ADGRF5: variants seen among roughly 807,000 people sequenced by gnomAD.
ADGRF5 encodes G-protein coupled receptor 116.
ADGRF5 carries 75 observed loss-of-function variants against 132.3 expected under a neutral mutation model. The observed-to-expected ratio is 0.57, with a 90% CI of 0.47 to 0.69. ADGRF5 has a LOEUF of 0.69. Ranked by LOEUF, ADGRF5 falls within the 30% of genes least tolerant of loss-of-function variation. The probability of loss-of-function intolerance (pLI) is 0.00; values close to 1 mark genes in which losing one functional copy is unlikely to be tolerated. For missense variants in ADGRF5, 1,516 were observed against 1,630.6 expected (o/e 0.93, Z 1.21); for synonymous variants, 629 against 597.6 (o/e 1.05, Z -0.77).
At position 46,920,883 on chromosome 6, in the gene ADGRF5, A is replaced by G. The variant is rs548521211; in HGVS notation, c.-25+830T>C. On this transcript the variant is annotated intron_variant, in intron 1 of 20. Coordinates refer to ENST00000283296, the MANE Select transcript of ADGRF5 (RefSeq NM_001098518.2). ...ATCTCAAAAAAATAAAAATAAAAAT[A>G]AAATCTATTTAGAGATATTCTTTTA... Among the ~76,000 whole-genome samples, 3 of 152,292 alleles carry G rather than the reference A, an allele frequency of 2.0e-5. No homozygotes were observed. In the South Asian group the frequency reaches 6.2e-4, roughly 32 times the overall value.
intron 1 of ADGRF5, among the ~76,000 whole-genome samples, chr6:46,938,782 A>G (rs937401692): frequency 6.6e-6 from 1 of 152,166 alleles, no homozygotes; most frequent in African/African-American, 2.4e-5. Context: ...TGAAAACCAC[A>G]AATCTAAAGA....
At position 46,868,974 on chromosome 6, in the gene ADGRF5, A is replaced by G. The variant is rs1770761557; in HGVS notation, c.1530T>C (p.Ile510=). The G allele has an allele frequency of 2.5e-6, 4 of 1,613,046 alleles. No individual in the cohort carries two copies. Among genetic ancestry groups the G allele is most frequent in the Non-Finnish European group, 3.4e-6 (4 of 1,178,954 alleles). ...TGGTATAAAATCTTTGGTATATTTTAATTCCAGCAGAAGTGTTCCAATAAA... is the reference window on the plus strand; with the variant it reads ...TGGTATAAAATCTTTGGTATATTTTGATTCCAGCAGAAGTGTTCCAATAAA... ...DEVYWNTSAG[I]KIYQRFYTTR... The change falls in exon 12 of 21, where the codon ATT becomes ATC. Residue 510 remains isoleucine (I), a synonymous_variant. Coordinates refer to ENST00000283296, the MANE Select transcript of ADGRF5 (RefSeq NM_001098518.2).
chr6:46,920,184 C>A (rs560467873), intron 1 of ADGRF5, among the ~76,000 whole-genome samples: 1 of 152,132 alleles, frequency 6.6e-6, no homozygotes, highest in African/African-American at 2.4e-5. Flanking sequence ...CTTCTGATGC[C>A]CTTCAAGGGA....
rs141776519 is a variant in ADGRF5, at chr6:46,859,391, A to G, written c.2512T>C (p.Ser838Pro). 2.8e-4 allele frequency: 455 copies of G among 1,613,394 alleles called. 1 individual carries two copies. The highest frequency in any genetic ancestry group is 3.7e-4 in the Non-Finnish European group (431 of 1,179,472). The stretch of plus-strand genomic sequence containing the variant: ...AAGGACAAAGGAGGGCTATCTCCCG[A>G]CTGTAATGCTTGGGAAAATCTTTCC... Reference protein sequence around the residue: ...SVERFSQALQSGDSPPLSFSQ... With the variant: ...SVERFSQALQPGDSPPLSFSQ... The change falls in exon 17 of 21, where the codon TCG becomes CCG. Residue 838 changes from serine (S) to proline (P), a missense_variant. Ser to Pro is a moderately conservative substitution (Grantham distance 74). Transcript: ENST00000283296.
intron 6 of ADGRF5, 76 bp from the exon 7 acceptor site, chr6:46,882,183 A>C (rs1772552588): frequency 1.1e-6 from 1 of 942,242 alleles, no homozygotes; most frequent in South Asian, 1.3e-5. Flanking sequence ...AAGCAGAGTA[A>C]AAACCACATA....
chr6:46,907,675 C>T (rs1775533750), intron 1 of ADGRF5, among the ~76,000 whole-genome samples: 1 of 152,140 alleles, frequency 6.6e-6, no homozygotes, highest in African/African-American at 2.4e-5. Flanking sequence ...TGTGCACACT[C>T]CTCTCCTTGT....
intron 16 of ADGRF5, among the ~76,000 whole-genome samples, chr6:46,859,767 T>C (rs1769511447): frequency 6.6e-6 from 1 of 152,150 alleles, no homozygotes; most frequent in South Asian, 2.1e-4. Context: ...TCACACCCAC[T>C]ACACACCCTA....
upstream of ADGRF5, among the ~76,000 whole-genome samples, chr6:46,922,295 C>G (rs1015772269): frequency 1.3e-5 from 2 of 152,032 alleles, no homozygotes; most frequent in East Asian, 3.9e-4. Context: ...TTTAGCAGTG[C>G]CAAGAAAGCA....
At chr6:46,895,865 A>C (rs1774132279) in intron 3 of ADGRF5, among the ~76,000 whole-genome samples, 1 of 151,776 alleles carries the variant, frequency 6.6e-6, no homozygotes, top group African/African-American at 2.4e-5. Flanking sequence ...GTTTGTCTGC[A>C]AACCTCCAAA....
At chr6:46,859,724 C>T (rs892993742) in intron 16 of ADGRF5, among the ~76,000 whole-genome samples, 4 of 152,106 alleles carry the variant, frequency 2.6e-5, no homozygotes, top group African/African-American at 7.2e-5. Flanking sequence ...CTGAAAGATG[C>T]CAGTAAGCAT....
chr6:46,937,637 A>G (rs1006488227), intron 1 of ADGRF5, among the ~76,000 whole-genome samples: 2 of 152,188 alleles, frequency 1.3e-5, no homozygotes, highest in African/African-American at 4.8e-5. Context: ...TAATTTATAA[A>G]TTAGGTACAG....
chr6:46,892,608 G>C (rs1773760837), intron 3 of ADGRF5, among the ~76,000 whole-genome samples: 2 of 152,000 alleles, frequency 1.3e-5, no homozygotes, highest in African/African-American at 4.8e-5. Context: ...AAATTAGCTG[G>C]GTGTGATGGC....
At chr6:46,900,257 A>C (rs1221403000) in intron 2 of ADGRF5, among the ~76,000 whole-genome samples, 174 bp from the exon 3 acceptor site, 1 of 152,194 alleles carries the variant, frequency 6.6e-6, no homozygotes, top group Non-Finnish European at 1.5e-5. Context: ...TTGGAAGACA[A>C]AGTGGAGCTG....
In ADGRF5 at chr6:46,858,537, T is replaced by C. The variant is rs1769326384; in HGVS notation, c.3366A>G (p.Thr1122=). ...FYRLVFILHE[T]SRSTQKAIAF... Reference sequence around the variant, plus strand: ...CAATGGCTTTCTGAGTGGACCTGCTTGTTTCATGCAGAATGAAAACCAGGC... The same window carrying C: ...CAATGGCTTTCTGAGTGGACCTGCTCGTTTCATGCAGAATGAAAACCAGGC... Residue 1122 remains threonine (T), a synonymous_variant, in exon 17 of 21, where the codon ACA becomes ACG. Transcript: ENST00000283296. The C allele has an allele frequency of 6.2e-7, 1 of 1,613,678 alleles. No homozygotes were observed. Among genetic ancestry groups the C allele is most frequent in the Non-Finnish European group, 8.5e-7 (1 of 1,179,876 alleles).
At chr6:46,863,145 T>C (rs1769990899) in intron 14 of ADGRF5, 49 bp from the exon 15 acceptor site, 1 of 1,377,084 alleles carries the variant, frequency 7.3e-7, no homozygotes, top group Non-Finnish European at 1.0e-6. Context: ...GAAGAGACAA[T>C]ATAGTAGAAA....
intron 10 of ADGRF5, among the ~76,000 whole-genome samples, chr6:46,877,022 T>A (rs1771732252): frequency 6.6e-6 from 1 of 152,266 alleles, no homozygotes; most frequent in Non-Finnish European, 1.5e-5. Flanking sequence ...AGACTTTTTC[T>A]TTACAGATAA....
intron 6 of ADGRF5, among the ~76,000 whole-genome samples, chr6:46,883,075 C>T (rs1772656364): frequency 6.6e-6 from 1 of 152,228 alleles, no homozygotes; most frequent in Admixed American, 6.5e-5. Flanking sequence ...AAACAGTTAA[C>T]ACTGTTGGAA....
Position 46,853,537 on chromosome 6 carries a change from CTTTT to C in ADGRF5, c.*451_*454del, listed in dbSNP as rs1259776852. ...CTATTTTCATCTTTCTCTTTTTCTTCTTTTTCCCTTTCTCCCTGTTTCCCTCCCT... is the reference window on the plus strand; with the variant it reads ...CTATTTTCATCTTTCTCTTTTTCTTCTCCCTTTCTCCCTGTTTCCCTCCCT... On this transcript the variant is annotated 3_prime_UTR_variant, in exon 21 of 21. Coordinates refer to ENST00000283296, the MANE Select transcript of ADGRF5 (RefSeq NM_001098518.2). The C allele has an allele frequency of 1.3e-5, 2 of 154,244 alleles. No individual in the cohort carries two copies. The highest frequency in any genetic ancestry group is 2.9e-5 in the Non-Finnish European group (2 of 69,646). 9.6% of individuals were successfully genotyped at this position (154,244 alleles called of 1,614,324 possible). A position where few individuals can be genotyped will look rare whatever the true frequency, so the allele number is the denominator to read the frequency against.
At chr6:46,857,225 G>A (rs1581715885) in intron 17 of ADGRF5, among the ~76,000 whole-genome samples, 1 of 152,170 alleles carries the variant, frequency 6.6e-6, no homozygotes, top group East Asian at 1.9e-4. Context: ...TAAGAATCTG[G>A]GCTATGGGGT....
Sources: gnomAD v4.1 joint callset for allele counts (sites outside exome capture counted in the v4.1 genomes callset) on GRCh38, gnomAD v4.1.1 for gene constraint, MANE v1.5 for transcripts, NCBI Gene and HGNC (gene_info 2026-07-23, HGNC 2026-07-21) for gene names.